The following PCDH9 variants were observed in gnomAD, a reference collection of about 807,000 sequenced individuals.
PCDH9 encodes protocadherin-9.
PCDH9 carries 24 observed loss-of-function variants against 70.6 expected under a neutral mutation model. That is an observed-to-expected ratio of 0.34 (90% CI 0.25 to 0.48). The LOEUF is 0.48. Among genes scored for constraint, PCDH9 ranks in the 20% least tolerant of loss-of-function variants. The pLI, the probability that PCDH9 is intolerant of heterozygous loss-of-function variation, is 0.99. For synonymous variants in PCDH9, 562 were observed against 558.5 expected (o/e 1.01, Z -0.09); for missense variants, 1,281 against 1,503.6 (o/e 0.85, Z 2.45).
chr13:67,092,220 A>T (rs529314975), intron 2 of PCDH9, among the ~76,000 whole-genome samples: 3 of 152,102 alleles, frequency 2.0e-5, no homozygotes, highest in African/African-American at 7.2e-5. Flanking sequence ...TTATATCTAT[A>T]TCGAGGATCT....
At chr13:66,307,805 A>C (rs1031948763) in intron 4 of PCDH9, among the ~76,000 whole-genome samples, 1 of 152,118 alleles carries the variant, frequency 6.6e-6, no homozygotes, top group African/African-American at 2.4e-5. Context: ...AATTTAAGAC[A>C]TATCACTCGA....
At chr13:66,736,993 A>G (rs1021889781) in intron 3 of PCDH9, among the ~76,000 whole-genome samples, 2 of 151,882 alleles carry the variant, frequency 1.3e-5, no homozygotes, top group South Asian at 2.1e-4. Flanking sequence ...TCCTGAGGGG[A>G]AAAAAACAGT....
At chr13:66,819,063 A>G (rs1594101101) in intron 3 of PCDH9, among the ~76,000 whole-genome samples, 2 of 152,348 alleles carry the variant, frequency 1.3e-5, no homozygotes, top group Admixed American at 1.3e-4. Context: ...AAAATAACCT[A>G]CAAAGAAGGG....
intron 4 of PCDH9, among the ~76,000 whole-genome samples, chr13:66,455,347 A>C (rs1380114603): frequency 6.6e-6 from 1 of 151,752 alleles, no homozygotes; most frequent in Non-Finnish European, 1.5e-5. Flanking sequence ...CTCCTTAATA[A>C]ATAATTTTTA....
chr13:66,638,556 C>T (rs2138957011), intron 3 of PCDH9, among the ~76,000 whole-genome samples: 1 of 152,158 alleles, frequency 6.6e-6, no homozygotes, highest in South Asian at 2.1e-4. Context: ...GTGAATTTTG[C>T]ATGTCTTAAT....
intron 2 of PCDH9, chr13:67,214,069 A>G (rs2089533874): frequency 6.6e-6 from 1 of 152,152 alleles, no homozygotes; most frequent in Non-Finnish European, 1.5e-5. Flanking sequence ...ATCAAAAGGT[A>G]TTTTTGGGGT....
chr13:66,448,298 A>G (rs1958137518), intron 4 of PCDH9, among the ~76,000 whole-genome samples: 1 of 152,252 alleles, frequency 6.6e-6, no homozygotes. Flanking sequence ...CCCCAGAGAA[A>G]TAGCTGTTTG....
chr13:67,002,679 G>A (rs935272527), intron 2 of PCDH9, among the ~76,000 whole-genome samples: 9 of 151,754 alleles, frequency 5.9e-5, no homozygotes, highest in African/African-American at 9.7e-5. Flanking sequence ...AACTTTCACC[G>A]AAATAAAGTT....
chr13:66,621,955 C>G (rs1005651101), intron 4 of PCDH9, among the ~76,000 whole-genome samples: 3 of 152,228 alleles, frequency 2.0e-5, no homozygotes, highest in African/African-American at 7.2e-5. Flanking sequence ...GAGGAAGAAG[C>G]GCCAGCGGGA....
chr13:66,999,272 C>T (rs1474297192), intron 2 of PCDH9, among the ~76,000 whole-genome samples: 1 of 152,086 alleles, frequency 6.6e-6, no homozygotes, highest in East Asian at 1.9e-4. Flanking sequence ...ATACAGGTTT[C>T]AGTCAGCAGC....
chr13:67,007,603 C>A (rs2084377312), intron 2 of PCDH9, among the ~76,000 whole-genome samples: 1 of 152,118 alleles, frequency 6.6e-6, no homozygotes, highest in Admixed American at 6.5e-5. Flanking sequence ...TAAATTCACT[C>A]ATTCAGCAAA....
intron 4 of PCDH9, among the ~76,000 whole-genome samples, chr13:66,311,805 G>A (rs1382190614): frequency 3.3e-5 from 5 of 151,968 alleles, no homozygotes; most frequent in African/African-American, 7.3e-5. Context: ...TTATTACTCC[G>A]CTCTTATTAT....
chr13:66,326,866 T>TA lies in PCDH9; in HGVS notation c.3341-21839_3341-21838insT, dbSNP rs1322872405. Among the ~76,000 whole-genome samples, 1,117 of 152,260 alleles carry TA rather than the reference T, an allele frequency of 7.3e-3. 8 individuals carry two copies. The highest frequency in any genetic ancestry group is 0.025 in the African/African-American group (1,046 of 41,532). On this transcript the variant is annotated intron_variant, in intron 4 of 4. Transcript: ENST00000377865. ...AAACTATTAAACATACAAAACAAAA[T>TA]GCCTCTTCTTCCCCACCCAACTTAA...
At chr13:66,913,878 ACT>A (rs1175951795) in intron 2 of PCDH9, among the ~76,000 whole-genome samples, 2 of 151,790 alleles carry the variant, frequency 1.3e-5, no homozygotes, top group Non-Finnish European at 2.9e-5. Context: ...ATGATTTTTA[ACT>A]CTCATTTCCA....
At chr13:66,428,128 G>A (rs777495355) in intron 4 of PCDH9, among the ~76,000 whole-genome samples, 8 of 151,594 alleles carry the variant, frequency 5.3e-5, no homozygotes, top group Non-Finnish European at 1.0e-4. Flanking sequence ...TTTTGAAAAA[G>A]TTCAGAACAA....
chr13:66,917,933 A>C (rs2082581754), intron 2 of PCDH9, among the ~76,000 whole-genome samples: 1 of 151,352 alleles, frequency 6.6e-6, no homozygotes, highest in African/African-American at 2.4e-5. Context: ...CAGGTACATT[A>C]GGAAAATGAT....
At chr13:66,947,852 G>A (rs1276363666) in intron 2 of PCDH9, among the ~76,000 whole-genome samples, 1 of 152,112 alleles carries the variant, frequency 6.6e-6, no homozygotes. Context: ...TTGGGAAGCA[G>A]TCAGGTCTCT....
At position 66,758,315 on chromosome 13, in the gene PCDH9, A is replaced by G. The variant is rs537912091; in HGVS notation, c.3139-126904T>C. On this transcript the variant is annotated intron_variant, in intron 3 of 4. Coordinates refer to ENST00000377865, the MANE Select transcript of PCDH9 (RefSeq NM_203487.3). ...TGATTTCTCCTATCTAACTATAAAT[A>G]TGTATCCTGTCACTGACATCTACCC... Among the ~76,000 whole-genome samples the G allele has an allele frequency of 1.1e-4, 17 of 152,178 alleles. 1 individual carries two copies. The South Asian group carries it at 3.1e-3, about 28-fold the overall frequency.
chr13:67,097,348 A>G (rs1430700024), intron 2 of PCDH9, among the ~76,000 whole-genome samples: 2 of 152,226 alleles, frequency 1.3e-5, no homozygotes, highest in Admixed American at 1.3e-4. Flanking sequence ...TTTCTCATTT[A>G]GTGTTATGAA....
Sources: allele counts gnomAD v4.1 joint callset (sites outside exome capture counted in the v4.1 genomes callset), GRCh38; gene constraint gnomAD v4.1.1; transcripts MANE v1.5; gene names NCBI Gene and HGNC (gene_info 2026-07-23, HGNC 2026-07-21).